The following CKM variants were observed in gnomAD, a reference collection of about 807,000 sequenced individuals.
CKM encodes the protein creatine kinase M-type.
In CKM, 28 loss-of-function variants were observed where a neutral mutation model predicts 35.4. The ratio of observed to expected loss-of-function variants is 0.79; its 90% CI spans 0.59 to 1.08. The LOEUF is 1.08. CKM is among the 50% of genes least tolerant of loss of function. CKM has a pLI of 0.00. For synonymous variants in CKM, 215 were observed against 204.4 expected, an observed-to-expected ratio of 1.05 and a Z score of -0.44; for missense variants, 484 against 509.8, an observed-to-expected ratio of 0.95 and a Z score of 0.49.
chr19:45,306,645 G>A lies in CKM; in HGVS notation c.*105C>T. The A allele has an allele frequency of 8.2e-7, 1 of 1,214,228 alleles. No homozygotes were observed. Among genetic ancestry groups the A allele is most frequent in the Non-Finnish European group, 1.2e-6 (1 of 831,416 alleles). 75.2% of individuals were successfully genotyped at this position (1,214,228 alleles called of 1,614,324 possible). A position where few individuals can be genotyped will look rare whatever the true frequency, so the allele number is the denominator to read the frequency against. On this transcript the variant is annotated 3_prime_UTR_variant, in exon 8 of 8. Coordinates refer to ENST00000221476, the MANE Select transcript of CKM (RefSeq NM_001824.5). This position sits in a 1 kb window ranked among gnomAD's most constrained non-coding sequence, Gnocchi z 4.5. The stretch of plus-strand genomic sequence containing the variant: ...AAGGGTGGAGAGAGCCCCCAGGTGG[G>A]ACTCTGGGACAGGGGGCGGGGCGAG...
At chr19:45,309,584 A>G (rs888275746) in intron 5 of CKM, among the ~76,000 whole-genome samples, 17 of 139,704 alleles carry the variant, frequency 1.2e-4, no homozygotes, top group African/African-American at 4.3e-4. Context: ...ACCTGAGGGC[A>G]GGCATGGTGG....
intron 1 of CKM, among the ~76,000 whole-genome samples, 197 bp downstream of exon 1, chr19:45,322,624 G>A (rs1157822175): frequency 6.6e-6 from 1 of 152,176 alleles, no homozygotes; most frequent in Non-Finnish European, 1.5e-5. Context: ...TCCCAGTGGG[G>A]GGTTCAGGCA....
chr19:45,307,416 C>T, intron 7 of CKM, 45 bp downstream of exon 7: 2 of 1,587,202 alleles, frequency 1.3e-6, no homozygotes, highest in Non-Finnish European at 1.7e-6. Context: ...TGCAAAGGGC[C>T]CTCGCTCCCC....
At chr19:45,316,551 C>G (rs118164606) in intron 3 of CKM, among the ~76,000 whole-genome samples, 1 of 151,672 alleles carries the variant, frequency 6.6e-6, no homozygotes, top group East Asian at 1.9e-4. Flanking sequence ...CTCCTGGCTT[C>G]ACGTGATCCT....
intron 5 of CKM, among the ~76,000 whole-genome samples, chr19:45,311,213 C>T (rs1001808855): frequency 2.7e-5 from 4 of 150,942 alleles, no homozygotes; most frequent in African/African-American, 9.8e-5. Context: ...CCACTGTGCC[C>T]GGCCAAGTCT....
chr19:45,319,939 C>T (rs1269375677), intron 1 of CKM, among the ~76,000 whole-genome samples: 2 of 151,796 alleles, frequency 1.3e-5, no homozygotes, highest in Non-Finnish European at 2.9e-5. Flanking sequence ...TACAGGCGCC[C>T]GCCACCACGC....
In CKM at chr19:45,311,924, TG is replaced by T; in HGVS notation, c.482-5del. 2.5e-6 allele frequency: 4 copies of T among 1,613,812 alleles called. No individual in the cohort carries two copies. The highest frequency in any genetic ancestry group is 3.4e-6 in the Non-Finnish European group (4 of 1,179,916). On this transcript the variant is annotated splice_region_variant and splice_polypyrimidine_tract_variant and intron_variant, in intron 4 of 7. Transcript: ENST00000221476. Reference sequence around the variant, plus strand: ...TCGCCCGTCAGGCTGTTGAGAGCTATGGGGACACACGAGGGAGTGGTCAGCA... The same window carrying T: ...TCGCCCGTCAGGCTGTTGAGAGCTATGGGACACACGAGGGAGTGGTCAGCA...
intron 6 of CKM, 145 bp downstream of exon 6, chr19:45,308,264 G>A (rs1220866411): frequency 7.1e-6 from 7 of 989,692 alleles, no homozygotes; most frequent in African/African-American, 1.6e-5. Context: ...GCGGGGTTTG[G>A]CATGGGGTGG....
At chr19:45,318,520 T>G in intron 2 of CKM, among the ~76,000 whole-genome samples, 1 of 150,720 alleles carries the variant, frequency 6.6e-6, no homozygotes, top group Non-Finnish European at 1.5e-5. Context: ...GAAAGAGTGC[T>G]GGGGGCGGGG....
chr19:45,308,274 G>A (rs1390606701), intron 6 of CKM, 135 bp downstream of exon 6: 1 of 1,104,672 alleles, frequency 9.1e-7, no homozygotes, highest in African/African-American at 1.5e-5. Context: ...GCATGGGGTG[G>A]AGCCAGGTCC....
rs554506651 is a variant in CKM at position 45,306,908 on chromosome 19, C to A, written c.988G>T (p.Val330Leu). 1.9e-6 allele frequency: 3 copies of A among 1,613,984 alleles called. No homozygotes were observed. Among genetic ancestry groups the A allele is most frequent in the Admixed American group, 3.3e-5 (2 of 60,020 alleles). Residue 330 changes from valine (V) to leucine (L), a missense_variant, in exon 8 of 8, where the codon GTG becomes TTG. By Grantham distance (32) the Val-to-Leu change is conservative. Transcript: ENST00000221476. This position sits in a 1 kb window ranked among gnomAD's most constrained non-coding sequence, Gnocchi z 4.5. ...TTGGACACGTCAAATACTGAGCCCA[C>A]GGCAGCTGTGTCCACGCCACCTGTG... ...RGTGGVDTAA[V>L]GSVFDVSNAD...
intron 5 of CKM, among the ~76,000 whole-genome samples, chr19:45,310,306 G>C (rs1971095548): frequency 6.6e-6 from 1 of 151,792 alleles, no homozygotes; most frequent in Non-Finnish European, 1.5e-5. Context: ...ATTTTTAGTA[G>C]AGACGGGGTT....
chr19:45,318,210 C>T (rs1470095703), intron 2 of CKM, among the ~76,000 whole-genome samples: 1 of 151,936 alleles, frequency 6.6e-6, no homozygotes, highest in African/African-American at 2.4e-5. Flanking sequence ...GAGTGTGAGA[C>T]CAGCCTGGCC....
intron 4 of CKM, among the ~76,000 whole-genome samples, chr19:45,314,226 C>T (rs1599817684): frequency 1.3e-5 from 2 of 152,192 alleles, no homozygotes; most frequent in South Asian, 2.1e-4. Flanking sequence ...CAACCTTGAA[C>T]GACAACCGCC....
intron 4 of CKM, among the ~76,000 whole-genome samples, chr19:45,312,489 C>T (rs1237676066): frequency 6.6e-6 from 1 of 151,358 alleles, no homozygotes; most frequent in Non-Finnish European, 1.5e-5. Context: ...ATGGCGCGAT[C>T]TTGGCTCACT....
At position 45,319,699 on chromosome 19, in the gene CKM, G is replaced by A; in HGVS notation, c.15C>T (p.Asn5=). 6.2e-7 allele frequency: 1 copy of A among 1,614,186 alleles called. No individual in the cohort carries two copies. The highest frequency in any genetic ancestry group is 2.2e-5 in the East Asian group (1 of 44,878). The change falls in exon 2 of 8, where the codon AAC becomes AAT. Residue 5 remains asparagine (N), a synonymous_variant. Transcript: ENST00000221476. ...AATTCAGCTTGAACTTGTTGTGGGT[G>A]TTACCGAATGGCATGGTGGCGGTGT... The part of the protein sequence containing the change: MPFG[N]THNKFKLNYK...
chr19:45,322,684 C>T (rs1301465645), intron 1 of CKM, 137 bp downstream of exon 1: 5 of 424,658 alleles, frequency 1.2e-5, no homozygotes, highest in African/African-American at 2.2e-5. Flanking sequence ...AACCTTCCCA[C>T]GCACCGACCT....
At chr19:45,313,381 T>C (rs1971128015) in intron 4 of CKM, among the ~76,000 whole-genome samples, 1 of 152,172 alleles carries the variant, frequency 6.6e-6, no homozygotes, top group Non-Finnish European at 1.5e-5. Flanking sequence ...GATAAATGTG[T>C]GTGCTCGGAC....
chr19:45,315,338 C>T, intron 4 of CKM, 127 bp downstream of exon 4: 1 of 1,087,978 alleles, frequency 9.2e-7, no homozygotes, highest in Non-Finnish European at 1.3e-6. Context: ...TCCCCAAGCC[C>T]CCACGATTTA....
Sources: gnomAD v4.1 joint callset for allele counts (sites outside exome capture counted in the v4.1 genomes callset) on GRCh38, gnomAD v4.1.1 for gene constraint, Gnocchi (gnomAD v3.1) non-coding constraint, MANE v1.5 for transcripts, NCBI Gene and HGNC (gene_info 2026-07-23, HGNC 2026-07-21) for gene names.